Variants in CPNE4 observed in about 807,000 individuals in gnomAD.
CPNE4 encodes copine 4.
CPNE4 carries 25 observed loss-of-function variants against 67.9 expected under a neutral mutation model. The ratio of observed to expected loss-of-function variants is 0.37; its 90% confidence interval spans 0.27 to 0.51. The LOEUF is 0.51. CPNE4 is among the 20% of genes least tolerant of loss of function. The pLI is 0.93. For missense variants in CPNE4, 464 were observed against 690.8 expected (o/e 0.67, Z 3.68); for synonymous variants, 242 against 244.9 (o/e 0.99, Z 0.11).
At chr3:131,955,468 C>G (rs1289818108) in intron 1 of CPNE4, among the ~76,000 whole-genome samples, 2 of 114,476 alleles carry the variant, frequency 1.7e-5, no homozygotes, top group African/African-American at 7.1e-5. Flanking sequence ...CTGCCTCCTT[C>G]TCTCTTGGTT....
At chr3:131,713,550 G>T (rs2081611082) in intron 3 of CPNE4, among the ~76,000 whole-genome samples, 1 of 152,128 alleles carries the variant, frequency 6.6e-6, no homozygotes, top group African/African-American at 2.4e-5. Context: ...GAACTGGAAG[G>T]AACTTAGAGA....
chr3:131,835,601 A>G lies in CPNE4; in HGVS notation c.180+69663T>C, dbSNP rs141144287. 3.8e-3 allele frequency among the ~76,000 whole-genome samples: 582 copies of G among 152,132 alleles called. 7 individuals carry two copies. The highest frequency in any genetic ancestry group is 0.013 in the African/African-American group (543 of 41,516). Reference sequence around the variant, plus strand: ...TGACAAGAAGGAGGCTTTGTAAGACAGAAGCCTTTTACCCTACCTGCCCTA... The same window carrying G: ...TGACAAGAAGGAGGCTTTGTAAGACGGAAGCCTTTTACCCTACCTGCCCTA... On this transcript the variant is annotated intron_variant, in intron 2 of 15. Transcript: ENST00000429747.
intron 2 of CPNE4, among the ~76,000 whole-genome samples, chr3:131,861,750 T>C (rs879285673): frequency 6.6e-6 from 1 of 152,122 alleles, no homozygotes; most frequent in Non-Finnish European, 1.5e-5. Flanking sequence ...TCTCATCTTT[T>C]TAAAGGAGAA....
chr3:131,747,774 T>C (rs2082528601), intron 2 of CPNE4, among the ~76,000 whole-genome samples: 1 of 152,314 alleles, frequency 6.6e-6, no homozygotes, highest in Non-Finnish European at 1.5e-5. Flanking sequence ...GAATTTTCTA[T>C]ATAGACATTC....
At chr3:132,037,469 T>C, upstream of CPNE4, 1 of 947,064 alleles carries the variant, frequency 1.1e-6, no homozygotes, top group Non-Finnish European at 1.6e-6. Flanking sequence ...ATCCATGTTT[T>C]CAATCACTGC....
intron 1 of CPNE4, among the ~76,000 whole-genome samples, chr3:132,023,766 C>G (rs531046416): frequency 1.2e-4 from 19 of 152,190 alleles, no homozygotes; most frequent in African/African-American, 3.9e-4. Context: ...GGATTACAGG[C>G]GTGAGCCACC....
intron 3 of CPNE4, 74 bp from the exon 4 acceptor site, chr3:131,700,054 C>CTTTTTTTT (rs3035263): frequency 3.1e-4 from 79 of 254,718 alleles, no homozygotes; most frequent in South Asian, 4.4e-4. Flanking sequence ...TTTTTTAAAC[C>CTTTTTTTT]TTTTTTTTTT....
chr3:131,952,361 G>A (rs1265355592), intron 1 of CPNE4, among the ~76,000 whole-genome samples: 23 of 148,274 alleles, frequency 1.6e-4, no homozygotes, highest in African/African-American at 4.2e-4. Flanking sequence ...GAGCCCCTCC[G>A]CCCGGCAGCC....
intron 2 of CPNE4, among the ~76,000 whole-genome samples, chr3:131,784,800 C>T (rs1355042575): frequency 6.6e-6 from 1 of 152,146 alleles, no homozygotes; most frequent in Non-Finnish European, 1.5e-5. Flanking sequence ...TTAGGCTCTA[C>T]TTTGAGGGGC....
chr3:131,727,191 C>T (rs987732058), intron 2 of CPNE4, among the ~76,000 whole-genome samples: 1 of 152,198 alleles, frequency 6.6e-6, no homozygotes, highest in African/African-American at 2.4e-5. Flanking sequence ...GTCTGGACTA[C>T]TTTCCTCAAT....
chr3:131,798,787 A>G (rs1172197757), intron 2 of CPNE4, among the ~76,000 whole-genome samples: 1 of 152,188 alleles, frequency 6.6e-6, no homozygotes, highest in Non-Finnish European at 1.5e-5. Context: ...GGACACCTCA[A>G]TGTATATCAG....
chr3:131,687,307 A>T (rs146092077), intron 5 of CPNE4, among the ~76,000 whole-genome samples: 1 of 152,270 alleles, frequency 6.6e-6, no homozygotes, highest in East Asian at 1.9e-4. Context: ...GAGAAACTTT[A>T]TTTTCCTTTA....
intron 1 of CPNE4, among the ~76,000 whole-genome samples, chr3:131,932,512 G>T (rs1374428938): frequency 1.3e-5 from 2 of 152,032 alleles, no homozygotes; most frequent in Non-Finnish European, 2.9e-5. Context: ...TACATAACTG[G>T]ATAAAGGCCA....
At chr3:131,767,936 C>A (rs2083064578) in intron 2 of CPNE4, among the ~76,000 whole-genome samples, 1 of 152,046 alleles carries the variant, frequency 6.6e-6, no homozygotes, top group African/African-American at 2.4e-5. Flanking sequence ...TTAGGCTTTT[C>A]TGATGTTTTG....
At chr3:131,737,839 T>C (rs557392686) in intron 2 of CPNE4, among the ~76,000 whole-genome samples, 2 of 150,408 alleles carry the variant, frequency 1.3e-5, no homozygotes, top group Admixed American at 6.6e-5. Context: ...TAGAGGACTT[T>C]AAAAAAAAAA....
intron 5 of CPNE4, among the ~76,000 whole-genome samples, chr3:131,686,432 T>C (rs1485292105): frequency 6.6e-6 from 1 of 152,234 alleles, no homozygotes; most frequent in Non-Finnish European, 1.5e-5. Flanking sequence ...CTTGGTATGC[T>C]TGTTAATTTT....
At chr3:131,974,820 C>A (rs1583541047) in intron 1 of CPNE4, among the ~76,000 whole-genome samples, 2 of 152,074 alleles carry the variant, frequency 1.3e-5, no homozygotes, top group South Asian at 4.2e-4. Flanking sequence ...CCAGCCTGGG[C>A]AACATGGCAA....
At chr3:131,830,765 T>C (rs1030147115) in intron 2 of CPNE4, among the ~76,000 whole-genome samples, 9 of 152,280 alleles carry the variant, frequency 5.9e-5, no homozygotes, top group Middle Eastern at 3.4e-3. Flanking sequence ...CATAAAATCA[T>C]GTCTATTTTG....
At chr3:131,816,843 C>T (rs540659472) in intron 2 of CPNE4, among the ~76,000 whole-genome samples, 3 of 152,326 alleles carry the variant, frequency 2.0e-5, no homozygotes, top group East Asian at 1.9e-4. Flanking sequence ...ATACCTACAC[C>T]ATGACCCAAG....
Sources: gnomAD v4.1 joint callset for allele counts (sites outside exome capture counted in the v4.1 genomes callset) on GRCh38, gnomAD v4.1.1 for gene constraint, MANE v1.5 for transcripts, NCBI Gene and HGNC (gene_info 2026-07-23, HGNC 2026-07-21) for gene names.